TPM1: variants seen among roughly 807,000 people sequenced by gnomAD.
TPM1 encodes tropomyosin alpha-1 chain.
TPM1 carries 24 observed loss-of-function variants against 42.9 expected under a neutral mutation model. The observed-to-expected ratio is 0.56, with a 90% CI of 0.41 to 0.79. TPM1 has a LOEUF of 0.79. Among genes scored for constraint, TPM1 ranks in the 30% least tolerant of loss-of-function variants. The probability of loss-of-function intolerance (pLI) is 0.00; values close to 1 mark genes in which losing one functional copy is unlikely to be tolerated. For missense variants in TPM1, 158 were observed against 351.8 expected (o/e 0.45, Z 4.41); for synonymous variants, 136 against 130.1 (o/e 1.05, Z -0.31).
downstream of TPM1, among the ~76,000 whole-genome samples, chr15:63,066,508 G>A (rs2036284193): frequency 6.6e-6 from 1 of 152,174 alleles, no homozygotes; most frequent in Non-Finnish European, 1.5e-5. Flanking sequence ...GATTATTTCG[G>A]TGGCCTTACT....
chr15:63,062,253 G>A lies in TPM1; in HGVS notation c.678G>A (p.Lys226=), dbSNP rs1343107860. The A allele has an allele frequency of 1.9e-6, 3 of 1,614,000 alleles. No homozygotes were observed. The highest frequency in any genetic ancestry group is 2.7e-5 in the African/African-American group (2 of 74,900). The stretch of plus-strand genomic sequence containing the variant: ...AAGACAGATATGAGGAAGAGATCAA[G>A]GTCCTTTCCGACAAGCTGAAGGAGG... The part of the protein sequence containing the change: ...QKEDRYEEEI[K]VLSDKLKEAE... The change falls in exon 7 of 10, where the codon AAG becomes AAA. Residue 226 remains lysine (K), a synonymous_variant. Coordinates refer to ENST00000403994, the MANE Select transcript of TPM1 (RefSeq NM_001018005.2).
chr15:63,053,870 C>T (rs915884084), intron 2 of TPM1, among the ~76,000 whole-genome samples: 8 of 151,644 alleles, frequency 5.3e-5, no homozygotes, highest in South Asian at 2.1e-4. Context: ...TTTGTAGAGA[C>T]GGGGTTTCAC....
intron 2 of TPM1, chr15:63,048,565 C>T: frequency 6.6e-7 from 1 of 1,523,070 alleles, no homozygotes; most frequent in South Asian, 1.2e-5. Flanking sequence ...GCCCGCCTAC[C>T]GTCCGGCGCG....
rs74021737 is a variant in TPM1, at chr15:63,063,648, T to C, written c.773-416T>C. Among the ~76,000 whole-genome samples the C allele has an allele frequency of 7.5e-3, 1,139 of 152,314 alleles. 15 individuals carry two copies. The highest frequency in any genetic ancestry group is 0.026 in the African/African-American group (1,088 of 41,564). Reference sequence around the variant, plus strand: ...CCAAAACACTGCCCTTGCATTTTTTTCCCATTGTTTATAGCTGCAGATGCC... The same window carrying C: ...CCAAAACACTGCCCTTGCATTTTTTCCCCATTGTTTATAGCTGCAGATGCC... On this transcript the variant is annotated intron_variant, in intron 8 of 9. Coordinates refer to ENST00000403994, the MANE Select transcript of TPM1 (RefSeq NM_001018005.2).
In TPM1 at chr15:63,053,290, T is replaced by C. The variant is rs79250697; in HGVS notation, c.241-3695T>C. ...GGTTAGGATCTGTGCCTGAGGCCTTTTGTGGGGAGTTGGGGTGGGGGCCGG... is the reference window on the plus strand; with the variant it reads ...GGTTAGGATCTGTGCCTGAGGCCTTCTGTGGGGAGTTGGGGTGGGGGCCGG... On this transcript the variant is annotated intron_variant, in intron 2 of 9. Transcript: ENST00000403994. 1.6e-4 allele frequency among the ~76,000 whole-genome samples: 25 copies of C among 152,290 alleles called. No homozygotes were observed. In the East Asian group the frequency reaches 3.5e-3, roughly 21 times the overall value.
exon 9 of TPM1, chr15:63,071,422 G>A: frequency 2.2e-6 from 1 of 447,130 alleles, no homozygotes; most frequent in South Asian, 2.0e-5. Flanking sequence ...AACACAGTGT[G>A]CTTAGTCAGC....
At chr15:63,043,876 C>T in intron 1 of TPM1, 151 bp from the exon 2 acceptor site, 1 of 1,550,360 alleles carries the variant, frequency 6.5e-7, no homozygotes, top group South Asian at 1.2e-5. Context: ...ATGGCTAACT[C>T]TTTCTCTTTC....
intron 9 of TPM1, chr15:63,064,558 T>G (rs537045167): frequency 9.5e-7 from 1 of 1,053,254 alleles, no homozygotes; most frequent in East Asian, 8.2e-5. Flanking sequence ...TAAATATAAT[T>G]TGAAGGAACC....
At position 63,065,811 on chromosome 15, in the gene TPM1, A is replaced by G. The variant is rs1595684355; in HGVS notation, c.852-85A>G. ...TCTTGTCTGTGTTTCAAGTGCTCTC[A>G]TCTATTGGTTTGGTTTCCTTTCTTT... On this transcript the variant is annotated intron_variant, in intron 9 of 9. Transcript: ENST00000403994. 1.0e-5 allele frequency: 15 copies of G among 1,480,350 alleles called. No individual in the cohort carries two copies. The East Asian group carries it at 3.6e-4, about 35-fold the overall frequency. 91.7% of individuals were successfully genotyped at this position (1,480,350 alleles called of 1,614,324 possible).
In TPM1 at chr15:63,064,322, TAA is replaced by T. The variant is rs2036030083; in HGVS notation, c.851+181_851+182del. The T allele has an allele frequency of 5.3e-6, 8 of 1,499,114 alleles. No homozygotes were observed. In the South Asian group the frequency reaches 9.0e-5, roughly 17 times the overall value. 92.9% of individuals were successfully genotyped at this position (1,499,114 alleles called of 1,614,324 possible). ...CTGCTAATATAAAGGCCAATTAGAT[TAA>T]GTCTGTCTATACAAACCATTTTCTT... On this transcript the variant is annotated intron_variant, in intron 9 of 9. Coordinates refer to ENST00000403994, the MANE Select transcript of TPM1 (RefSeq NM_001018005.2).
At chr15:63,048,612 A>T in intron 2 of TPM1, 1 of 1,534,138 alleles carries the variant, frequency 6.5e-7, no homozygotes. Context: ...GGTGCGCAGG[A>T]AGATCCGGAG....
chr15:63,059,229 A>G (rs2035254901), intron 3 of TPM1, among the ~76,000 whole-genome samples: 1 of 152,226 alleles, frequency 6.6e-6, no homozygotes. Flanking sequence ...TATCTTTTTA[A>G]TAGTAAAGCA....
intron 2 of TPM1, chr15:63,048,001 G>C: frequency 3.4e-6 from 1 of 291,358 alleles, no homozygotes; most frequent in Non-Finnish European, 6.7e-6. Flanking sequence ...TTGGGGAATG[G>C]GGGTAGTGCT....
At chr15:63,070,652 C>A, downstream of TPM1, 1 of 1,002,132 alleles carries the variant, frequency 1.0e-6, no homozygotes, top group Admixed American at 5.4e-5. Context: ...TTTATGTCAT[C>A]TTTGCTTTTG....
downstream of TPM1, among the ~76,000 whole-genome samples, chr15:63,066,419 T>G (rs778484885): frequency 6.6e-6 from 1 of 152,136 alleles, no homozygotes; most frequent in Non-Finnish European, 1.5e-5. Flanking sequence ...CATTGCTTGT[T>G]GAGAGTTGAA....
At chr15:63,058,165 G>C (rs1315683211) in intron 3 of TPM1, among the ~76,000 whole-genome samples, 1 of 152,220 alleles carries the variant, frequency 6.6e-6, no homozygotes, top group African/African-American at 2.4e-5. Flanking sequence ...GCATCTTACA[G>C]TGTACGCATA....
At chr15:63,048,005 T>G in intron 2 of TPM1, 2 of 289,834 alleles carry the variant, frequency 6.9e-6, no homozygotes, top group Middle Eastern at 1.3e-3. Context: ...GGAATGGGGG[T>G]AGTGCTTGGG....
At chr15:63,060,841 G>A (rs973704553) in intron 4 of TPM1, 28 bp from the exon 5 acceptor site, 4 of 1,613,114 alleles carry the variant, frequency 2.5e-6, no homozygotes, top group South Asian at 1.1e-5. Flanking sequence ...AAGACCCATG[G>A]TGTGTGTGTT....
downstream of TPM1, among the ~76,000 whole-genome samples, chr15:63,068,964 C>T (rs1392125419): frequency 8.0e-5 from 12 of 150,080 alleles, no homozygotes; most frequent in South Asian, 2.1e-4. Context: ...CTGGCTAACA[C>T]GGTGAAACCC....
Sources: gnomAD v4.1 joint callset for allele counts (sites outside exome capture counted in the v4.1 genomes callset) on GRCh38, gnomAD v4.1.1 for gene constraint, MANE v1.5 for transcripts, NCBI Gene and HGNC (gene_info 2026-07-23, HGNC 2026-07-21) for gene names.